The following CNTN5 variants were observed in gnomAD, a reference collection of about 807,000 sequenced individuals.
CNTN5 encodes contactin-5.
Under a neutral mutation model 129.1 loss-of-function variants are expected in CNTN5, and 77 were observed. The observed-to-expected ratio is 0.60, with a 90% CI of 0.50 to 0.72. The LOEUF (loss-of-function observed/expected upper bound fraction) is 0.72, where lower values mean the gene tolerates loss of function less well. Among genes scored for constraint, CNTN5 ranks in the 30% least tolerant of loss-of-function variants. The pLI, the probability that CNTN5 is intolerant of heterozygous loss-of-function variation, is 0.00. For missense variants in CNTN5, 1,478 were observed against 1,328.8 expected (o/e 1.11, Z -1.75); for synonymous variants, 509 against 465.6 (o/e 1.09, Z -1.20).
At chr11:100,279,938 C>A (rs2138814178) in intron 18 of CNTN5, among the ~76,000 whole-genome samples, 1 of 141,052 alleles carries the variant, frequency 7.1e-6, no homozygotes, top group Non-Finnish European at 1.5e-5. Context: ...ATGATTTAGG[C>A]ACTTATAGCT....
chr11:100,324,174 G>A (rs568055175), intron 21 of CNTN5, among the ~76,000 whole-genome samples: 3 of 152,150 alleles, frequency 2.0e-5, no homozygotes, highest in Non-Finnish European at 2.9e-5. Flanking sequence ...TATACACTCT[G>A]ATTAGTAGCA....
chr11:99,560,308 TTTGAG>T (rs1948801034), intron 3 of CNTN5, among the ~76,000 whole-genome samples: 1 of 144,442 alleles, frequency 6.9e-6, no homozygotes. Flanking sequence ...TTATTATTAT[TTTGAG>T]ATGGAGTTTC....
chr11:99,430,991 C>A (rs1275845289), intron 2 of CNTN5, among the ~76,000 whole-genome samples: 2 of 125,116 alleles, frequency 1.6e-5, no homozygotes, highest in Admixed American at 9.3e-5. Context: ...GATCCTTTTT[C>A]CTGGCTGTTT....
intron 6 of CNTN5, among the ~76,000 whole-genome samples, chr11:99,888,720 A>C (rs1271737519): frequency 6.6e-6 from 1 of 152,184 alleles, no homozygotes; most frequent in Non-Finnish European, 1.5e-5. Context: ...CAGAGAGATA[A>C]AGAAAGGAAA....
intron 2 of CNTN5, among the ~76,000 whole-genome samples, chr11:99,477,988 G>T (rs796962281): frequency 1.5e-4 from 22 of 151,444 alleles, no homozygotes; most frequent in African/African-American, 5.1e-4. Flanking sequence ...AGTTGGAGAT[G>T]ATTTTTTTCT....
chr11:100,018,351 G>A (rs1940944565), intron 9 of CNTN5, among the ~76,000 whole-genome samples: 1 of 151,916 alleles, frequency 6.6e-6, no homozygotes, highest in African/African-American at 2.4e-5. Context: ...GATCCTGTAT[G>A]TTTTGTCACT....
chr11:99,669,477 T>C (rs1268235827), intron 3 of CNTN5, among the ~76,000 whole-genome samples: 1 of 57,234 alleles, frequency 1.7e-5, no homozygotes, highest in African/African-American at 4.4e-5. Context: ...TGTGTGTATA[T>C]GTGTATACAT....
At chr11:99,913,680 G>T (rs1949718456) in intron 6 of CNTN5, among the ~76,000 whole-genome samples, 1 of 151,960 alleles carries the variant, frequency 6.6e-6, no homozygotes, top group African/African-American at 2.4e-5. Context: ...TCTTTTCTTT[G>T]TGTGTTTAAT....
intron 3 of CNTN5, among the ~76,000 whole-genome samples, chr11:99,681,491 G>C (rs981399048): frequency 1.3e-5 from 2 of 152,074 alleles, no homozygotes; most frequent in African/African-American, 4.8e-5. Context: ...AGCAAAAGAT[G>C]ACCATTTGTG....
chr11:99,860,954 T>TTTA (rs1435126097), intron 6 of CNTN5, among the ~76,000 whole-genome samples: 9 of 128,098 alleles, frequency 7.0e-5, no homozygotes, highest in Admixed American at 7.7e-5. Context: ...GTCTTCATTT[T>TTTA]TTTTTTTTTT....
chr11:99,753,977 G>A (rs1425573238), intron 3 of CNTN5, among the ~76,000 whole-genome samples: 1 of 127,574 alleles, frequency 7.8e-6, no homozygotes, highest in Admixed American at 8.2e-5. Context: ...CCTGAGCCAC[G>A]GCACCCTGCC....
chr11:99,520,454 A>G (rs982686262), intron 2 of CNTN5, among the ~76,000 whole-genome samples: 3 of 152,128 alleles, frequency 2.0e-5, no homozygotes, highest in African/African-American at 7.2e-5. Context: ...ATTAAGAAAA[A>G]CAATGTAGGG....
intron 2 of CNTN5, among the ~76,000 whole-genome samples, chr11:99,385,729 G>T (rs1391034702): frequency 6.6e-6 from 1 of 152,098 alleles, no homozygotes; most frequent in Non-Finnish European, 1.5e-5. Flanking sequence ...CATATAACTG[G>T]AAGATCCAGA....
At chr11:100,146,677 A>C (rs1398345750) in intron 13 of CNTN5, among the ~76,000 whole-genome samples, 4 of 152,164 alleles carry the variant, frequency 2.6e-5, no homozygotes, top group Non-Finnish European at 5.9e-5. Context: ...TTCACTGTTG[A>C]AAATATAATA....
rs774220161 is a variant in CNTN5, at chr11:99,152,742, A to T, written c.-210+131472A>T. 2.0e-5 allele frequency among the ~76,000 whole-genome samples: 3 copies of T among 152,168 alleles called. No homozygotes were observed. In the East Asian group the frequency reaches 5.8e-4, roughly 29 times the overall value. On this transcript the variant is annotated intron_variant, in intron 1 of 24. Transcript: ENST00000524871. ...ATTGTGTGGTTGCTTTATAATGTCA[A>T]TGGTCCATGTACTTAAATGTGTTTC...
chr11:100,120,687 T>C (rs1013915825), intron 13 of CNTN5, among the ~76,000 whole-genome samples: 3 of 151,912 alleles, frequency 2.0e-5, no homozygotes. Context: ...AGATTTTATA[T>C]AAAATAATAG....
chr11:99,472,030 G>A (rs1945196959), intron 2 of CNTN5, among the ~76,000 whole-genome samples: 1 of 152,092 alleles, frequency 6.6e-6, no homozygotes, highest in Admixed American at 6.6e-5. Context: ...GAATAAAATA[G>A]TAGTATATAG....
chr11:99,771,298 A>G (rs905709898), intron 3 of CNTN5, among the ~76,000 whole-genome samples: 2 of 152,082 alleles, frequency 1.3e-5, no homozygotes, highest in Admixed American at 6.6e-5. Context: ...ATCATTCACC[A>G]TAGCAAAGAC....
intron 3 of CNTN5, among the ~76,000 whole-genome samples, chr11:99,612,987 T>C (rs867761380): frequency 3.9e-5 from 6 of 152,082 alleles, no homozygotes; most frequent in Non-Finnish European, 7.4e-5. Flanking sequence ...GCCCAGGGAA[T>C]TGGCAGGTTT....
Sources: allele counts gnomAD v4.1 joint callset (sites outside exome capture counted in the v4.1 genomes callset), GRCh38; gene constraint gnomAD v4.1.1; transcripts MANE v1.5; gene names NCBI Gene and HGNC (gene_info 2026-07-23, HGNC 2026-07-21).